The following RNF150 variants were observed in gnomAD, a reference collection of about 807,000 sequenced individuals.
RNF150 encodes the protein ring finger protein 150.
RNF150 carries 24 observed loss-of-function variants against 39.3 expected under a neutral mutation model. That is an observed-to-expected ratio of 0.61 (90% confidence interval 0.44 to 0.86). The LOEUF is 0.86. Among genes scored for constraint, RNF150 ranks in the 40% least tolerant of loss-of-function variants. The pLI, the probability that RNF150 is intolerant of heterozygous loss-of-function variation, is 0.00. For synonymous variants in RNF150, 255 were observed against 227.3 expected, an observed-to-expected ratio of 1.12 and a Z score of -1.10; for missense variants, 502 against 587.8, an observed-to-expected ratio of 0.85 and a Z score of 1.51.
intron 6 of RNF150, among the ~76,000 whole-genome samples, chr4:140,899,944 T>TCTCTCTCTCTCTCTCTCTCTC (rs1730114654): frequency 1.8e-5 from 2 of 110,022 alleles, no homozygotes; most frequent in Non-Finnish European, 3.6e-5. Context: ...CTCTCTCACT[T>TCTCTCTCTCTCTCTCTCTCTC]TCTCTCTCTC....
chr4:140,924,987 C>T (rs1204531495), intron 5 of RNF150, among the ~76,000 whole-genome samples: 2 of 152,158 alleles, frequency 1.3e-5, no homozygotes, highest in African/African-American at 4.8e-5. Context: ...TTAAAGTAAA[C>T]CTTTGATATG....
At chr4:140,977,712 AT>A (rs1733715841) in intron 1 of RNF150, among the ~76,000 whole-genome samples, 2 of 152,276 alleles carry the variant, frequency 1.3e-5, no homozygotes, top group South Asian at 4.2e-4. Context: ...GTGGTCTATA[AT>A]TTAATTTTAC....
At chr4:140,902,942 G>T (rs193160953) in intron 6 of RNF150, among the ~76,000 whole-genome samples, 2 of 152,258 alleles carry the variant, frequency 1.3e-5, no homozygotes, top group Admixed American at 1.3e-4. Flanking sequence ...AGAAAGCTAA[G>T]GGCACAGTTC....
chr4:141,188,947 G>A (rs1223700982), intron 1 of RNF150, among the ~76,000 whole-genome samples: 1 of 152,200 alleles, frequency 6.6e-6, no homozygotes, highest in Non-Finnish European at 1.5e-5. Flanking sequence ...ATCCTTTGGA[G>A]GAAAAGAGGC....
intron 1 of RNF150, among the ~76,000 whole-genome samples, chr4:141,013,904 C>A (rs1735166079): frequency 6.6e-6 from 1 of 152,122 alleles, no homozygotes; most frequent in Non-Finnish European, 1.5e-5. Flanking sequence ...AGTCACTGTG[C>A]TGTGCAATAC....
chr4:141,033,297 A>C (rs886455042), intron 1 of RNF150, among the ~76,000 whole-genome samples: 42 of 152,302 alleles, frequency 2.8e-4, no homozygotes, highest in African/African-American at 1.0e-3. Context: ...CACATTCAAA[A>C]GAAGCAACTC....
chr4:141,021,491 G>GT (rs1735490437), intron 1 of RNF150, among the ~76,000 whole-genome samples: 1 of 152,140 alleles, frequency 6.6e-6, no homozygotes, highest in African/African-American at 2.4e-5. Context: ...GGGTCAGAAG[G>GT]TAACAGAGGA....
chr4:141,209,488 T>G, intron 1 of RNF150, among the ~76,000 whole-genome samples: 1 of 152,226 alleles, frequency 6.6e-6, no homozygotes, highest in Non-Finnish European at 1.5e-5. Context: ...ATATATTTCC[T>G]GCTACCTATG....
chr4:141,127,447 A>G (rs771181587), intron 1 of RNF150, among the ~76,000 whole-genome samples: 7 of 152,182 alleles, frequency 4.6e-5, no homozygotes, highest in Non-Finnish European at 7.3e-5. Flanking sequence ...AAAAAAGAAA[A>G]CTTTATTAAA....
chr4:140,863,773 GCTCT>G lies in RNF150; in HGVS notation c.*4484_*4487del, dbSNP rs1728586230. 2.0e-5 allele frequency: 3 copies of G among 152,194 alleles called. No homozygotes were observed. The highest frequency in any genetic ancestry group is 2.0e-4 in the Admixed American group (3 of 15,280). The allele number at this position is 152,194 out of a possible 1,614,324, so 9.4% of individuals were successfully genotyped here. ...TGGCCTTAGTACCAGAAAAGACTGGGCTCTCGCTCCACAGAGGGAGTGACTCCAT... is the reference window on the plus strand; with the variant it reads ...TGGCCTTAGTACCAGAAAAGACTGGGCGCTCCACAGAGGGAGTGACTCCAT... On this transcript the variant is annotated 3_prime_UTR_variant, in exon 7 of 7. Transcript: ENST00000515673.
intron 1 of RNF150, among the ~76,000 whole-genome samples, chr4:141,158,619 GACAT>G (rs1727456746): frequency 6.6e-6 from 1 of 152,114 alleles, no homozygotes; most frequent in African/African-American, 2.4e-5. Flanking sequence ...CTGCTGAACT[GACAT>G]AGTCAAATTT....
At chr4:141,022,618 C>T (rs577555675) in intron 1 of RNF150, among the ~76,000 whole-genome samples, 2 of 152,318 alleles carry the variant, frequency 1.3e-5, no homozygotes, top group South Asian at 4.1e-4. Flanking sequence ...GCATTTTCCT[C>T]ATTCTAACAC....
At chr4:141,044,786 C>G (rs1736505216) in intron 1 of RNF150, among the ~76,000 whole-genome samples, 1 of 149,420 alleles carries the variant, frequency 6.7e-6, no homozygotes, top group African/African-American at 2.5e-5. Context: ...CACACACGCA[C>G]ACACACACAC....
At chr4:141,126,279 A>G (rs762110747) in intron 1 of RNF150, among the ~76,000 whole-genome samples, 101 of 152,266 alleles carry the variant, frequency 6.6e-4, no homozygotes, top group African/African-American at 1.4e-3. Flanking sequence ...ACATACTCTC[A>G]ATGCTTGGGA....
intron 1 of RNF150, among the ~76,000 whole-genome samples, chr4:141,094,230 G>A (rs1738694471): frequency 6.7e-6 from 1 of 150,164 alleles, no homozygotes; most frequent in East Asian, 2.0e-4. Context: ...AGGATTTCCT[G>A]AGTAATGGGA....
chr4:141,200,856 C>A (rs1229854077), intron 1 of RNF150, among the ~76,000 whole-genome samples: 1 of 152,096 alleles, frequency 6.6e-6, no homozygotes, highest in Non-Finnish European at 1.5e-5. Flanking sequence ...TTACCATTGA[C>A]CCTCAAATAA....
At chr4:140,886,477 C>A (rs1190608902) in intron 6 of RNF150, among the ~76,000 whole-genome samples, 1 of 152,158 alleles carries the variant, frequency 6.6e-6, no homozygotes, top group Non-Finnish European at 1.5e-5. Flanking sequence ...TGTTTGTCTT[C>A]TTACTGAGTT....
chr4:141,078,601 G>GA (rs1181899181), intron 1 of RNF150, among the ~76,000 whole-genome samples: 1 of 150,968 alleles, frequency 6.6e-6, no homozygotes, highest in Non-Finnish European at 1.5e-5. Flanking sequence ...CCAACATGGT[G>GA]AAACCCCGTC....
rs1346419468 is a variant in RNF150, at chr4:140,864,943, C to T, written c.*3318G>A. ...TATTCACTACAAAATAAATGGACCT[C>T]TGGGCCTCTCATTAGGCGACTTGGG... On this transcript the variant is annotated 3_prime_UTR_variant, in exon 7 of 7. Transcript: ENST00000515673. The T allele has an allele frequency of 1.3e-5, 2 of 152,160 alleles. No homozygotes were observed. The highest frequency in any genetic ancestry group is 2.9e-5 in the Non-Finnish European group (2 of 68,030). 9.4% of individuals were successfully genotyped at this position (152,160 alleles called of 1,614,324 possible). A position where few individuals can be genotyped will look rare whatever the true frequency, so the allele number is the denominator to read the frequency against.
Sources: gnomAD v4.1 joint callset for allele counts (sites outside exome capture counted in the v4.1 genomes callset) on GRCh38, gnomAD v4.1.1 for gene constraint, MANE v1.5 for transcripts, NCBI Gene and HGNC (gene_info 2026-07-23, HGNC 2026-07-21) for gene names.